The following FARP2 variants were observed in gnomAD, a reference collection of about 807,000 sequenced individuals.
The protein encoded by FARP2 is FERM, ARHGEF and pleckstrin domain-containing protein 2.
FARP2 carries 111 observed loss-of-function variants against 130.5 expected under a neutral mutation model. The ratio of observed to expected loss-of-function variants is 0.85; its 90% CI spans 0.73 to 1.00. The LOEUF (loss-of-function observed/expected upper bound fraction) is 1.00. Among genes scored for constraint, FARP2 ranks in the 50% least tolerant of loss-of-function variants. The pLI is 0.00. For missense variants in FARP2, 1,385 were observed against 1,346.3 expected, an observed-to-expected ratio of 1.03 and a Z score of -0.45; for synonymous variants, 504 against 516.9, an observed-to-expected ratio of 0.98 and a Z score of 0.34.
intron 2 of FARP2, among the ~76,000 whole-genome samples, chr2:241,393,910 AT>A (rs1258731953): frequency 6.6e-6 from 1 of 152,164 alleles, no homozygotes; most frequent in South Asian, 2.1e-4. Context: ...TTTAACTTGT[AT>A]TTTTTATACT....
intron 2 of FARP2, among the ~76,000 whole-genome samples, chr2:241,382,368 C>T (rs2061683784): frequency 6.7e-6 from 1 of 149,178 alleles, no homozygotes; most frequent in South Asian, 2.1e-4. Context: ...AATCCAACCT[C>T]CGCCTCCTGG....
intron 2 of FARP2, among the ~76,000 whole-genome samples, chr2:241,383,543 A>C (rs2061711064): frequency 6.6e-6 from 1 of 152,226 alleles, no homozygotes; most frequent in Non-Finnish European, 1.5e-5. Flanking sequence ...GCTTCTGCTC[A>C]CATGGAGGGA....
At chr2:241,366,138 T>C (rs199733285) in intron 1 of FARP2, among the ~76,000 whole-genome samples, 61 of 138,412 alleles carry the variant, frequency 4.4e-4, no homozygotes, top group Admixed American at 9.4e-4. Flanking sequence ...TATATATATA[T>C]ACACACACAC....
chr2:241,481,862 G>A (rs192311333), intron 19 of FARP2, among the ~76,000 whole-genome samples: 2 of 152,302 alleles, frequency 1.3e-5, no homozygotes, highest in Admixed American at 6.5e-5. Flanking sequence ...GGCAGGCTGC[G>A]CCCCCTCTCT....
intron 17 of FARP2, chr2:241,466,555 T>C (rs1331853561): frequency 1.0e-6 from 1 of 985,240 alleles, no homozygotes; most frequent in East Asian, 1.1e-4. Context: ...CTTGGCCACT[T>C]CCACCTCCCG....
chr2:241,410,992 A>T, intron 5 of FARP2, 41 bp from the exon 6 acceptor site: 1 of 1,331,954 alleles, frequency 7.5e-7, no homozygotes, highest in Non-Finnish European at 1.1e-6. Flanking sequence ...TTCAGAGAAC[A>T]TTTGGAATTG....
intron 14 of FARP2, among the ~76,000 whole-genome samples, chr2:241,460,931 A>G (rs1947499790): frequency 6.6e-6 from 1 of 152,140 alleles, no homozygotes; most frequent in Non-Finnish European, 1.5e-5. Flanking sequence ...ATCTCAGTAG[A>G]CTGTAGGGTG....
intron 11 of FARP2, among the ~76,000 whole-genome samples, chr2:241,435,908 ATTT>A (rs34703186): frequency 9.9e-6 from 1 of 101,000 alleles, no homozygotes. Flanking sequence ...AGTATAGTAA[ATTT>A]TTTTTTTTTT....
intron 8 of FARP2, among the ~76,000 whole-genome samples, chr2:241,427,556 A>G (rs985759584): frequency 1.3e-5 from 2 of 152,110 alleles, no homozygotes; most frequent in African/African-American, 2.4e-5. Flanking sequence ...ACCATTTTCT[A>G]TCAGAGCCTC....
rs758180210 is a variant in FARP2, at chr2:241,491,673, T to A, written c.2781T>A (p.Ala927=). 3 of 1,600,228 alleles carry A rather than the reference T, an allele frequency of 1.9e-6. No homozygotes were observed. The East Asian group carries it at 6.7e-5, about 36-fold the overall frequency. ...TSVSRADHSA[A]VENQLSGYLL... ...TGTCCAGGGCAGACCACAGTGCAGC[T>A]GTCGAGGTACGACCGCATGAGCACC... is the stretch of plus-strand genomic sequence containing the variant. Residue 927 remains alanine (A), a synonymous_variant, in exon 24 of 27, where the codon GCT becomes GCA. Coordinates refer to ENST00000264042, the MANE Select transcript of FARP2 (RefSeq NM_014808.4).
At chr2:241,469,718 G>A (rs2064259478) in intron 18 of FARP2, among the ~76,000 whole-genome samples, 1 of 152,234 alleles carries the variant, frequency 6.6e-6, no homozygotes, top group African/African-American at 2.4e-5. Flanking sequence ...CTGGAGCAGA[G>A]GTTGGCCTGG....
chr2:241,433,677 ATCTTT>A (rs1332900408), intron 9 of FARP2, among the ~76,000 whole-genome samples: 1 of 152,160 alleles, frequency 6.6e-6, no homozygotes, highest in Non-Finnish European at 1.5e-5. Flanking sequence ...TATACTGTCT[ATCTTT>A]TCTTAATTAA....
chr2:241,490,588 G>A (rs780839587), intron 22 of FARP2, among the ~76,000 whole-genome samples: 64 of 152,250 alleles, frequency 4.2e-4, no homozygotes, highest in African/African-American at 5.5e-4. Context: ...CTCATTTGGC[G>A]GCCAGGATGC....
intron 22 of FARP2, among the ~76,000 whole-genome samples, chr2:241,490,738 C>G (rs1022133664): frequency 9.9e-5 from 15 of 152,184 alleles, no homozygotes; most frequent in African/African-American, 3.6e-4. Context: ...TGAACCAGGG[C>G]CAATCTTGCA....
chr2:241,375,039 C>T (rs1326428486), intron 2 of FARP2, among the ~76,000 whole-genome samples: 6 of 152,170 alleles, frequency 3.9e-5, no homozygotes, highest in African/African-American at 9.7e-5. Flanking sequence ...CTCTGCCTCC[C>T]GGGTTCACAC....
rs780088529 is a variant in FARP2 at position 241,434,187 on chromosome 2, G to A, written c.897G>A (p.Leu299=). ...HGPYQDTLEF[L]LGSRDECKNF... ...CTTACCAGGACACATTAGAATTTTT[G>A]TTGGGTAGTAGAGATGAATGTAAGA... The change falls in exon 10 of 27, where the codon TTG becomes TTA. Residue 299 remains leucine, a synonymous_variant. Coordinates refer to ENST00000264042, the MANE Select transcript of FARP2 (RefSeq NM_014808.4). The A allele has an allele frequency of 1.2e-6, 2 of 1,611,816 alleles. No homozygotes were observed. The highest frequency in any genetic ancestry group is 1.3e-5 in the African/African-American group (1 of 74,778).
intron 18 of FARP2, among the ~76,000 whole-genome samples, chr2:241,472,782 C>G (rs1387698811): frequency 6.7e-6 from 1 of 148,342 alleles, no homozygotes; most frequent in Non-Finnish European, 1.5e-5. Context: ...AGATGCTGTT[C>G]TGAAGGGACT....
chr2:241,377,429 C>G (rs1202755629), intron 2 of FARP2, among the ~76,000 whole-genome samples: 1 of 151,596 alleles, frequency 6.6e-6, no homozygotes, highest in Non-Finnish European at 1.5e-5. Context: ...GCAAGCTCCG[C>G]TTCCTGGGTT....
At chr2:241,427,257 A>G (rs1022369802) in intron 8 of FARP2, among the ~76,000 whole-genome samples, 4 of 152,118 alleles carry the variant, frequency 2.6e-5, no homozygotes, top group African/African-American at 9.7e-5. Context: ...ACACACATAT[A>G]TGTGTCTGTG....
Sources: gnomAD v4.1 joint callset for allele counts (sites outside exome capture counted in the v4.1 genomes callset) on GRCh38, gnomAD v4.1.1 for gene constraint, MANE v1.5 for transcripts, NCBI Gene and HGNC (gene_info 2026-07-23, HGNC 2026-07-21) for gene names.